The following AP3B1 variants were observed in gnomAD, a reference collection of about 807,000 sequenced individuals.
The protein encoded by AP3B1 is AP-3 complex subunit beta-1.
Under a neutral mutation model 132.5 loss-of-function variants are expected in AP3B1, and 61 were observed. The ratio of observed to expected loss-of-function variants is 0.46; its 90% CI spans 0.37 to 0.57. The LOEUF is 0.57. AP3B1 is among the 20% of genes least tolerant of loss of function. AP3B1 has a pLI of 0.00. For synonymous variants in AP3B1, 388 were observed against 438.3 expected (o/e 0.89, Z 1.43); for missense variants, 1,120 against 1,289.4 (o/e 0.87, Z 2.01).
chr5:78,015,736 A>C, intron 25 of AP3B1, 188 bp from the exon 26 acceptor site: 1 of 576,586 alleles, frequency 1.7e-6, no homozygotes, highest in Non-Finnish European at 3.0e-6. Context: ...TAAAATCCTC[A>C]TTGTATAGGA....
intron 21 of AP3B1, among the ~76,000 whole-genome samples, chr5:78,094,029 A>G (rs945941787): frequency 1.3e-5 from 2 of 152,236 alleles, no homozygotes; most frequent in Non-Finnish European, 1.5e-5. Context: ...GCTTATTTGA[A>G]GTATGATTAT....
intron 24 of AP3B1, among the ~76,000 whole-genome samples, chr5:78,029,481 C>T (rs1238916556): frequency 6.6e-6 from 1 of 151,674 alleles, no homozygotes; most frequent in Non-Finnish European, 1.5e-5. Context: ...TCATAAATAG[C>T]ATATGTTAAA....
intron 7 of AP3B1, among the ~76,000 whole-genome samples, chr5:78,199,925 C>T (rs1427237613): frequency 2.0e-5 from 3 of 151,662 alleles, no homozygotes; most frequent in Non-Finnish European, 4.4e-5. Context: ...TCATTATTTC[C>T]AAAATATTCT....
intron 14 of AP3B1, among the ~76,000 whole-genome samples, chr5:78,154,313 G>A (rs1743048478): frequency 6.6e-6 from 1 of 152,108 alleles, no homozygotes. Context: ...TGAAAAGTCT[G>A]CTGCCACAGG....
intron 7 of AP3B1, among the ~76,000 whole-genome samples, chr5:78,198,080 T>C (rs1028974194): frequency 2.0e-5 from 3 of 152,188 alleles, no homozygotes; most frequent in African/African-American, 7.2e-5. Flanking sequence ...TTATTCTTTA[T>C]CCTGTCACCT....
chr5:78,103,585 T>C (rs1376642902), intron 20 of AP3B1, among the ~76,000 whole-genome samples: 3 of 152,168 alleles, frequency 2.0e-5, no homozygotes, highest in Non-Finnish European at 4.4e-5. Flanking sequence ...AGACAATTTG[T>C]TTTTGTATAT....
At position 78,141,467 on chromosome 5, in the gene AP3B1, C is replaced by T. The variant is rs2052478; in HGVS notation, c.1474-148G>A. 134,512 of 638,902 alleles carry T rather than the reference C, an allele frequency of 0.21. 15,221 individuals are homozygous for T. Among genetic ancestry groups the T allele is most frequent in the Admixed American group, 0.29 (9,604 of 32,950 alleles). The allele number at this position is 638,902 out of a possible 1,614,324, so 39.6% of individuals were successfully genotyped here. ...AATTAATCCTGTATTTATGAATTTT[C>T]GTCAGTTATCAAAAAATAAACACAT... On this transcript the variant is annotated intron_variant, in intron 14 of 26. Transcript: ENST00000255194.
chr5:78,110,387 T>C lies in AP3B1; in HGVS notation c.2250-33A>G, dbSNP rs190950921. The C allele has an allele frequency of 2.7e-4, 407 of 1,512,242 alleles. 6 individuals are homozygous for C. In the East Asian group the frequency reaches 7.6e-3, roughly 28 times the overall value. 93.7% of individuals were successfully genotyped at this position (1,512,242 alleles called of 1,614,324 possible). A position where few individuals can be genotyped will look rare whatever the true frequency, so the allele number is the denominator to read the frequency against. On this transcript the variant is annotated intron_variant, in intron 19 of 26. Transcript: ENST00000255194. ...TAATAGTAAATTTTGAAATATGAAC[T>C]TTAACTCCTTTATATAAGCAGTTTA... is the stretch of plus-strand genomic sequence containing the variant.
intron 15 of AP3B1, 132 bp from the exon 16 acceptor site, chr5:78,129,439 C>A: frequency 2.5e-6 from 2 of 805,322 alleles, no homozygotes; most frequent in South Asian, 1.5e-5. Flanking sequence ...AGGGAATACA[C>A]ATTTCTAATG....
At chr5:78,138,914 G>A (rs1242076051) in intron 15 of AP3B1, among the ~76,000 whole-genome samples, 1 of 137,628 alleles carries the variant, frequency 7.3e-6, no homozygotes, top group African/African-American at 2.8e-5. Flanking sequence ...AGGTTGCAGT[G>A]AGCCAAGATC....
At chr5:78,215,688 TGA>T (rs1427748900) in intron 7 of AP3B1, among the ~76,000 whole-genome samples, 2 of 152,130 alleles carry the variant, frequency 1.3e-5, no homozygotes, top group Admixed American at 6.5e-5. Context: ...TTTTTACAAA[TGA>T]GTACCTGGAA....
At chr5:78,038,835 C>G (rs1024013390) in intron 23 of AP3B1, among the ~76,000 whole-genome samples, 13 of 152,178 alleles carry the variant, frequency 8.5e-5, no homozygotes, top group Admixed American at 4.6e-4. Flanking sequence ...TTACTGGGAC[C>G]TGATTCACTA....
chr5:78,031,151 C>CT (rs1181475054), intron 24 of AP3B1, among the ~76,000 whole-genome samples: 1 of 152,174 alleles, frequency 6.6e-6, no homozygotes, highest in Non-Finnish European at 1.5e-5. Context: ...TTCCAGAACA[C>CT]TCGATCAGTA....
chr5:78,147,986 T>C (rs1753485562), intron 14 of AP3B1, among the ~76,000 whole-genome samples: 1 of 150,988 alleles, frequency 6.6e-6, no homozygotes. Context: ...TGAGATGAGA[T>C]TGCGCCACTG....
intron 23 of AP3B1, among the ~76,000 whole-genome samples, chr5:78,035,062 T>C (rs572995708): frequency 1.3e-5 from 2 of 151,962 alleles, no homozygotes; most frequent in African/African-American, 4.8e-5. Flanking sequence ...AAACAAAAAA[T>C]AAAATGACAT....
At chr5:78,178,101 A>G (rs1319423206) in intron 8 of AP3B1, among the ~76,000 whole-genome samples, 1 of 152,204 alleles carries the variant, frequency 6.6e-6, no homozygotes, top group Non-Finnish European at 1.5e-5. Context: ...CATGCTCCTC[A>G]GCTGCTGCTC....
chr5:78,293,351 G>A (rs535471592), intron 1 of AP3B1, among the ~76,000 whole-genome samples: 192 of 152,274 alleles, frequency 1.3e-3, no homozygotes, highest in African/African-American at 4.4e-3. Context: ...ATCATCAAAT[G>A]CATATAATGA....
At chr5:78,092,574 T>G (rs1750572699) in intron 21 of AP3B1, among the ~76,000 whole-genome samples, 1 of 152,210 alleles carries the variant, frequency 6.6e-6, no homozygotes. Context: ...ATACAAAATC[T>G]AGCATTGGTG....
At chr5:78,143,080 G>C (rs1561436367) in intron 14 of AP3B1, among the ~76,000 whole-genome samples, 1 of 151,994 alleles carries the variant, frequency 6.6e-6, no homozygotes, top group Non-Finnish European at 1.5e-5. Context: ...AGTTATGCTA[G>C]ATTTATTTTT....
Sources: gnomAD v4.1 joint callset for allele counts (sites outside exome capture counted in the v4.1 genomes callset) on GRCh38, gnomAD v4.1.1 for gene constraint, MANE v1.5 for transcripts, NCBI Gene and HGNC (gene_info 2026-07-23, HGNC 2026-07-21) for gene names.